Variants in CHRM3 observed in about 807,000 individuals in gnomAD.
CHRM3 encodes the protein cholinergic receptor muscarinic 3.
In CHRM3, 11 loss-of-function variants were observed where a neutral mutation model predicts 41.8. That is an observed-to-expected ratio of 0.26 (90% CI 0.17 to 0.44). The LOEUF (loss-of-function observed/expected upper bound fraction) is 0.44, where lower values mean the gene tolerates loss of function less well. CHRM3 is among the 20% of genes least tolerant of loss of function. The pLI is 1.00. For missense variants in CHRM3, 571 were observed against 745.4 expected, an observed-to-expected ratio of 0.77 and a Z score of 2.72; for synonymous variants, 297 against 301.4, an observed-to-expected ratio of 0.99 and a Z score of 0.15.
intron 4 of CHRM3, among the ~76,000 whole-genome samples, chr1:239,662,105 A>ATGTGTGTGTGTG (rs57202092): frequency 7.2e-4 from 105 of 144,828 alleles, no homozygotes; most frequent in African/African-American, 2.4e-3. Flanking sequence ...TCAGTTTTAG[A>ATGTGTGTGTGTG]TGTGTGTGTG....
chr1:239,565,462 C>T (rs1399580587), intron 3 of CHRM3, among the ~76,000 whole-genome samples: 1 of 152,068 alleles, frequency 6.6e-6, no homozygotes, highest in African/African-American at 2.4e-5. Flanking sequence ...TGGCTCTTTA[C>T]CCCAGATGCT....
At chr1:239,894,788 C>A (rs1678856846) in intron 6 of CHRM3, among the ~76,000 whole-genome samples, 1 of 151,930 alleles carries the variant, frequency 6.6e-6, no homozygotes, top group Admixed American at 6.6e-5. Flanking sequence ...AGAGGCTTTA[C>A]CTCCTGTTTC....
At chr1:239,835,564 A>G (rs1673242871) in intron 6 of CHRM3, among the ~76,000 whole-genome samples, 1 of 152,200 alleles carries the variant, frequency 6.6e-6, no homozygotes, top group African/African-American at 2.4e-5. Context: ...GAGACTGATA[A>G]GGCTTGGTTT....
At chr1:239,599,585 A>G (rs1665260333) in intron 3 of CHRM3, among the ~76,000 whole-genome samples, 2 of 152,104 alleles carry the variant, frequency 1.3e-5, no homozygotes, top group Non-Finnish European at 2.9e-5. Flanking sequence ...TAGGGTACAG[A>G]TGCTACCCAG....
intron 1 of CHRM3, among the ~76,000 whole-genome samples, chr1:239,467,118 G>A (rs1239839084): frequency 6.6e-6 from 1 of 151,706 alleles, no homozygotes; most frequent in Non-Finnish European, 1.5e-5. Flanking sequence ...CTTCAATATC[G>A]TACACTTAGC....
At chr1:239,687,615 A>G (rs1455696023) in intron 5 of CHRM3, among the ~76,000 whole-genome samples, 3 of 152,182 alleles carry the variant, frequency 2.0e-5, no homozygotes, top group African/African-American at 7.2e-5. Context: ...AACCAGGGAC[A>G]GTTAAGAAAA....
intron 3 of CHRM3, among the ~76,000 whole-genome samples, chr1:239,561,660 A>T (rs1420688066): frequency 2.6e-5 from 4 of 151,800 alleles, no homozygotes; most frequent in African/African-American, 7.2e-5. Context: ...TAATCAAAAG[A>T]TTGTTAATAT....
At chr1:239,417,958 A>G (rs2103081729) in intron 1 of CHRM3, among the ~76,000 whole-genome samples, 1 of 152,300 alleles carries the variant, frequency 6.6e-6, no homozygotes, top group Middle Eastern at 3.4e-3. Context: ...AAACTGTGTG[A>G]TAGGTTGCTA....
intron 4 of CHRM3, among the ~76,000 whole-genome samples, chr1:239,640,301 T>A (rs113379817): frequency 6.6e-6 from 1 of 152,142 alleles, no homozygotes; most frequent in Non-Finnish European, 1.5e-5. Flanking sequence ...GGGAGGATTC[T>A]CTCTTTTTCT....
At chr1:239,584,304 A>G (rs926551576) in intron 3 of CHRM3, among the ~76,000 whole-genome samples, 2 of 151,758 alleles carry the variant, frequency 1.3e-5, no homozygotes, top group Non-Finnish European at 2.9e-5. Context: ...GGGTTTTGCC[A>G]TGCTGGCCAG....
chr1:239,412,604 G>T (rs1007733294), intron 1 of CHRM3, among the ~76,000 whole-genome samples: 10 of 151,614 alleles, frequency 6.6e-5, no homozygotes, highest in Non-Finnish European at 1.3e-4. Context: ...AAATAACTCA[G>T]AACATAGCAA....
chr1:239,400,297 G>A (rs1659855770), intron 1 of CHRM3, among the ~76,000 whole-genome samples: 1 of 152,068 alleles, frequency 6.6e-6, no homozygotes, highest in South Asian at 2.1e-4. Context: ...TTTTTAATCA[G>A]ATTATTTTCT....
At position 239,686,019 on chromosome 1, in the gene CHRM3, G is replaced by A. The variant is rs1048906861; in HGVS notation, c.-147+7731G>A. Among the ~76,000 whole-genome samples the A allele has an allele frequency of 4.0e-5, 6 of 151,764 alleles. No individual in the cohort carries two copies. In the East Asian group the frequency reaches 5.8e-4, roughly 15 times the overall value. ...ACAAACAAAAAAACTGTGTTCTGTC[G>A]TTGACTCCCCATCACGCCTCCTGCC... On this transcript the variant is annotated intron_variant, in intron 5 of 6. Coordinates refer to ENST00000676153, the MANE Select transcript of CHRM3 (RefSeq NM_001375978.1).
intron 5 of CHRM3, among the ~76,000 whole-genome samples, chr1:239,708,581 C>G (rs1661418829): frequency 1.3e-5 from 2 of 152,042 alleles, no homozygotes; most frequent in South Asian, 4.1e-4. Flanking sequence ...CTTTATTTTT[C>G]TCCGCAGCAC....
intron 1 of CHRM3, among the ~76,000 whole-genome samples, chr1:239,434,344 G>T (rs1206567907): frequency 6.6e-6 from 1 of 152,056 alleles, no homozygotes; most frequent in Non-Finnish European, 1.5e-5. Flanking sequence ...GCCCTTTCTT[G>T]CCTCCTTTGT....
intron 1 of CHRM3, among the ~76,000 whole-genome samples, chr1:239,404,276 G>A (rs567139381): frequency 7.6e-4 from 110 of 145,576 alleles, no homozygotes; most frequent in South Asian, 2.2e-3. Context: ...GTGACAGAGC[G>A]AGACTCTGTC....
intron 5 of CHRM3, among the ~76,000 whole-genome samples, chr1:239,799,433 G>A (rs1010579271): frequency 1.3e-5 from 2 of 152,106 alleles, no homozygotes; most frequent in East Asian, 1.9e-4. Flanking sequence ...GATCGAACAC[G>A]CTGTTTTCGC....
intron 1 of CHRM3, among the ~76,000 whole-genome samples, chr1:239,415,277 T>C (rs1214125884): frequency 1.3e-5 from 2 of 152,006 alleles, no homozygotes; most frequent in African/African-American, 4.8e-5. Flanking sequence ...CCGTCTCTAC[T>C]AAAAATGCAA....
intron 2 of CHRM3, among the ~76,000 whole-genome samples, chr1:239,495,582 G>T (rs1384572357): frequency 6.6e-6 from 1 of 152,090 alleles, no homozygotes; most frequent in Admixed American, 6.6e-5. Context: ...CTTAAGCACA[G>T]GTAGTTCACA....
Sources: gnomAD v4.1 joint callset for allele counts (sites outside exome capture counted in the v4.1 genomes callset) on GRCh38, gnomAD v4.1.1 for gene constraint, MANE v1.5 for transcripts, NCBI Gene and HGNC (gene_info 2026-07-23, HGNC 2026-07-21) for gene names.